Variants in SRD5A1 observed in about 807,000 individuals in gnomAD.
The protein encoded by SRD5A1 is 3-oxo-5-alpha-steroid 4-dehydrogenase 1.
In SRD5A1, 22 loss-of-function variants were observed where a neutral mutation model predicts 28.2. That is an observed-to-expected ratio of 0.78 (90% confidence interval 0.56 to 1.12). The LOEUF is 1.12. Among genes scored for constraint, SRD5A1 ranks in the 50% most tolerant of loss-of-function variants. SRD5A1 has a pLI of 0.00. For synonymous variants in SRD5A1, 151 were observed against 135.0 expected (o/e 1.12, Z -0.82); for missense variants, 300 against 346.7 (o/e 0.87, Z 1.07).
intron 1 of SRD5A1, among the ~76,000 whole-genome samples, chr5:6,643,301 T>C (rs1738417353): frequency 6.6e-6 from 1 of 152,140 alleles, no homozygotes; most frequent in African/African-American, 2.4e-5. Flanking sequence ...GCCTTGCTTT[T>C]TCTTTTTTAA....
chr5:6,637,880 G>A (rs1323272357), intron 1 of SRD5A1, among the ~76,000 whole-genome samples: 1 of 152,200 alleles, frequency 6.6e-6, no homozygotes, highest in Non-Finnish European at 1.5e-5. Context: ...TCAAAACATT[G>A]CACCTACTTT....
chr5:6,644,790 A>G (rs751115851), intron 1 of SRD5A1: 19 of 435,672 alleles, frequency 4.4e-5, no homozygotes, highest in Non-Finnish European at 7.9e-5. Context: ...TCAAAACCAA[A>G]TTCTGCTTGT....
At chr5:6,665,577 C>T (rs1739146321) in intron 4 of SRD5A1, among the ~76,000 whole-genome samples, 1 of 152,206 alleles carries the variant, frequency 6.6e-6, no homozygotes. Flanking sequence ...CTGCACCTGG[C>T]CTGGGCCTCA....
At position 6,673,914 on chromosome 5, in the gene SRD5A1, A is replaced by G. The variant is rs1157975456; in HGVS notation, c.*5646A>G. The G allele has an allele frequency of 2.0e-5, 3 of 152,342 alleles. No homozygotes were observed. Among genetic ancestry groups the G allele is most frequent in the East Asian group, 3.9e-4 (2 of 5,192 alleles). 9.4% of individuals were successfully genotyped at this position (152,342 alleles called of 1,614,324 possible). ...TGTATAACATTCTGAAAAAGGCACA[A>G]CTATGGAGACAATAAAAAGAACAGA... On this transcript the variant is annotated 3_prime_UTR_variant, in exon 5 of 5. Transcript: ENST00000274192.
intron 3 of SRD5A1, among the ~76,000 whole-genome samples, chr5:6,660,307 C>T (rs918512222): frequency 1.6e-4 from 25 of 152,222 alleles, no homozygotes; most frequent in Non-Finnish European, 1.6e-4. Flanking sequence ...TCCACCACAC[C>T]GTGTGTCCCA....
intron 1 of SRD5A1, among the ~76,000 whole-genome samples, chr5:6,643,708 T>C (rs1427817313): frequency 3.9e-5 from 6 of 152,224 alleles, no homozygotes; most frequent in Non-Finnish European, 7.3e-5. Flanking sequence ...CACGCCTCTT[T>C]GGTTGCTGCT....
Position 6,668,293 on chromosome 5 carries a change from C to A in SRD5A1, c.*25C>A, listed in dbSNP as rs1410150964. 7.3e-7 allele frequency: 1 copy of A among 1,378,658 alleles called. No homozygotes were observed. Among genetic ancestry groups the A allele is most frequent in the South Asian group, 1.3e-5 (1 of 78,832 alleles). The allele number at this position is 1,378,658 out of a possible 1,614,324, so 85.4% of individuals were successfully genotyped here. On this transcript the variant is annotated 3_prime_UTR_variant, in exon 5 of 5. Coordinates refer to ENST00000274192, the MANE Select transcript of SRD5A1 (RefSeq NM_001047.4). The stretch of plus-strand genomic sequence containing the variant: ...AGTGCGTTTTTCATGAAATTATCTT[C>A]AACTTGAAGCTTTCCAATGGCGCTT...
intron 4 of SRD5A1, among the ~76,000 whole-genome samples, chr5:6,665,381 G>A (rs562790760): frequency 2.8e-4 from 42 of 152,238 alleles, no homozygotes; most frequent in Non-Finnish European, 4.3e-4. Flanking sequence ...GAACTGATAC[G>A]CCAGCCTTCC....
At chr5:6,635,159 A>T (rs1738143037) in intron 1 of SRD5A1, among the ~76,000 whole-genome samples, 1 of 152,224 alleles carries the variant, frequency 6.6e-6, no homozygotes, top group Non-Finnish European at 1.5e-5. Context: ...AGTTTTTGGT[A>T]CCTGAGTTCC....
chr5:6,647,277 AGAT>A lies in SRD5A1; in HGVS notation c.294-4563_294-4561del, dbSNP rs371946260. ...GTTGATTTGGGGTGGAGAGTTCTGT[AGAT>A]GTCTACTAGGTCCACTTGATCCAGA... On this transcript the variant is annotated intron_variant, in intron 1 of 4. Transcript: ENST00000274192. Among the ~76,000 whole-genome samples the A allele has an allele frequency of 1.0e-3, 153 of 152,292 alleles. 1 individual carries two copies. The highest frequency in any genetic ancestry group is 3.5e-3 in the African/African-American group (147 of 41,554).
chr5:6,645,098 C>T (rs1404507060), intron 1 of SRD5A1: 2 of 420,026 alleles, frequency 4.8e-6, no homozygotes, highest in Non-Finnish European at 9.6e-6. Flanking sequence ...TTGGAGGCTG[C>T]TTTTGACTCA....
chr5:6,660,229 T>G (rs979356826), intron 3 of SRD5A1, among the ~76,000 whole-genome samples: 2 of 152,230 alleles, frequency 1.3e-5, no homozygotes, highest in African/African-American at 4.8e-5. Flanking sequence ...CAAGAGGACA[T>G]TTTTTAGCAG....
At chr5:6,651,763 C>T (rs770999928) in intron 1 of SRD5A1, 79 bp from the exon 2 acceptor site, 35 of 1,358,690 alleles carry the variant, frequency 2.6e-5, no homozygotes, top group Non-Finnish European at 3.5e-5. Flanking sequence ...GATTTAAAAC[C>T]CAAATCATTT....
chr5:6,662,732 T>C, intron 3 of SRD5A1, 84 bp from the exon 4 acceptor site: 2 of 1,437,054 alleles, frequency 1.4e-6, no homozygotes, highest in East Asian at 2.3e-5. Context: ...ATTTATGTTC[T>C]CCAGGTAAGT....
In SRD5A1 at chr5:6,672,816, T is replaced by C. The variant is rs1739399630; in HGVS notation, c.*4548T>C. 1 of 152,238 alleles carries C rather than the reference T, an allele frequency of 6.6e-6. No individual in the cohort carries two copies. Among genetic ancestry groups the C allele is most frequent in the African/African-American group, 2.4e-5 (1 of 41,452 alleles). The allele number at this position is 152,238 out of a possible 1,614,324, so 9.4% of individuals were successfully genotyped here. A position where few individuals can be genotyped will look rare whatever the true frequency, so the allele number is the denominator to read the frequency against. On this transcript the variant is annotated 3_prime_UTR_variant, in exon 5 of 5. Transcript: ENST00000274192. ...AGACCCTATGTTTAACTTCTTTTAT[T>C]CAACAGAATTAAAAAACTAGCTAGT... is the stretch of plus-strand genomic sequence containing the variant.
chr5:6,659,067 C>T (rs1190201876), intron 3 of SRD5A1, among the ~76,000 whole-genome samples: 3 of 150,656 alleles, frequency 2.0e-5, no homozygotes, highest in South Asian at 4.2e-4. Flanking sequence ...CAGTGAGCCT[C>T]GATCATACCA....
chr5:6,646,666 TTTC>T (rs1196230171), intron 1 of SRD5A1, among the ~76,000 whole-genome samples: 1 of 152,214 alleles, frequency 6.6e-6, no homozygotes, highest in Non-Finnish European at 1.5e-5. Flanking sequence ...TCTTCTCTCT[TTTC>T]TTCTTTATTA....
intron 4 of SRD5A1, among the ~76,000 whole-genome samples, chr5:6,663,767 C>T (rs890222279): frequency 1.3e-5 from 2 of 151,638 alleles, no homozygotes; most frequent in African/African-American, 4.8e-5. Context: ...GGCTGAGGTA[C>T]GAGAATCCCT....
In SRD5A1 at chr5:6,658,038, A is replaced by T. The variant is rs569469261; in HGVS notation, c.562+1859A>T. ...TTCCAACATGAATTTTAAAATGTGA[A>T]TGGAGGCCAAGCGTGGTGGCTGACG... On this transcript the variant is annotated intron_variant, in intron 3 of 4. Coordinates refer to ENST00000274192, the MANE Select transcript of SRD5A1 (RefSeq NM_001047.4). Among the ~76,000 whole-genome samples the T allele has an allele frequency of 8.2e-4, 125 of 152,212 alleles. 1 individual carries two copies. The highest frequency in any genetic ancestry group is 1.5e-3 in the Non-Finnish European group (102 of 68,036).
Sources: gnomAD v4.1 joint callset for allele counts (sites outside exome capture counted in the v4.1 genomes callset) on GRCh38, gnomAD v4.1.1 for gene constraint, MANE v1.5 for transcripts, NCBI Gene and HGNC (gene_info 2026-07-23, HGNC 2026-07-21) for gene names.